Variants in NEO1 observed in about 807,000 individuals in gnomAD.
NEO1 encodes the protein neogenin.
A neutral mutation model predicts 159.7 loss-of-function variants in NEO1; 63 were observed. That is an observed-to-expected ratio of 0.39 (90% CI 0.32 to 0.49). The LOEUF (loss-of-function observed/expected upper bound fraction) is 0.49, where lower values mean the gene tolerates loss of function less well. Ranked by LOEUF, NEO1 falls within the 20% of genes least tolerant of loss-of-function variation. The pLI, the probability that NEO1 is intolerant of heterozygous loss-of-function variation, is 0.85. For synonymous variants in NEO1, 633 were observed against 662.0 expected (o/e 0.96, Z 0.67); for missense variants, 1,615 against 1,831.0 (o/e 0.88, Z 2.15).
intron 7 of NEO1, among the ~76,000 whole-genome samples, chr15:73,195,400 C>T (rs1476309280): frequency 6.6e-6 from 1 of 152,216 alleles, no homozygotes; most frequent in East Asian, 1.9e-4. Flanking sequence ...CATATAGTTT[C>T]CATGCTGCGT....
In NEO1 at chr15:73,062,993, C is replaced by T. The variant is rs141436336; in HGVS notation, c.130+10188C>T. Among the ~76,000 whole-genome samples the T allele has an allele frequency of 9.1e-4, 138 of 152,300 alleles. 1 individual carries two copies. The highest frequency in any genetic ancestry group is 3.2e-3 in the African/African-American group (134 of 41,562). ...AGCCTGGGGCAAAGACTTAGGCATACATCTATATAGATGGGTTTCCAAAGG... is the reference window on the plus strand; with the variant it reads ...AGCCTGGGGCAAAGACTTAGGCATATATCTATATAGATGGGTTTCCAAAGG... On this transcript the variant is annotated intron_variant, in intron 1 of 28. Transcript: ENST00000261908.
chr15:73,265,967 C>A (rs1410171580), intron 15 of NEO1, among the ~76,000 whole-genome samples: 11 of 152,206 alleles, frequency 7.2e-5, no homozygotes, highest in Admixed American at 7.2e-4. Context: ...TTGTTTAATT[C>A]CAAGCTCCAT....
At chr15:73,060,447 A>C (rs562889126) in intron 1 of NEO1, among the ~76,000 whole-genome samples, 116 of 150,768 alleles carry the variant, frequency 7.7e-4, no homozygotes, top group Non-Finnish European at 1.6e-3. Flanking sequence ...TTGTACTTTT[A>C]GTAGAAACAG....
chr15:73,119,178 G>A (rs918143879), intron 2 of NEO1, among the ~76,000 whole-genome samples: 2 of 152,100 alleles, frequency 1.3e-5, no homozygotes, highest in African/African-American at 4.8e-5. Context: ...AAAAGGTTCT[G>A]AAATTAGATT....
At chr15:73,259,539 A>C (rs1214150161) in intron 14 of NEO1, among the ~76,000 whole-genome samples, 2 of 151,632 alleles carry the variant, frequency 1.3e-5, no homozygotes, top group East Asian at 3.9e-4. Context: ...TTTTTTTTAG[A>C]GACAGGGTCT....
At position 73,213,440 on chromosome 15, in the gene NEO1, A is replaced by G. The variant is rs1450435949; in HGVS notation, c.1292-22907A>G. Among the ~76,000 whole-genome samples the G allele has an allele frequency of 6.2e-4, 95 of 152,230 alleles. 1 individual carries two copies. Among genetic ancestry groups the G allele is most frequent in the Non-Finnish European group, 1.6e-4 (11 of 68,020 alleles). Reference sequence around the variant, plus strand: ...CGCCTCCCTCCCACCATTCTCCCCAAGTCCCCAAAGTCCATATCATTCTTA... The same window carrying G: ...CGCCTCCCTCCCACCATTCTCCCCAGGTCCCCAAAGTCCATATCATTCTTA... On this transcript the variant is annotated intron_variant, in intron 7 of 28. Transcript: ENST00000261908.
At chr15:73,236,531 A>T in intron 8 of NEO1, 25 bp downstream of exon 8, 1 of 1,609,596 alleles carries the variant, frequency 6.2e-7, no homozygotes, top group Non-Finnish European at 8.5e-7. Flanking sequence ...GTCTGCAGCC[A>T]GTTGGCTGCC....
intron 1 of NEO1, among the ~76,000 whole-genome samples, chr15:73,098,082 AAC>A (rs34778128): frequency 0.53 from 79,082 of 149,672 alleles, 21,016 homozygotes; most frequent in Middle Eastern, 0.59. Context: ...TTTATCCCAC[AAC>A]ACACACACAC....
At chr15:73,294,346 C>A (rs1168613143) in intron 26 of NEO1, among the ~76,000 whole-genome samples, 1 of 152,086 alleles carries the variant, frequency 6.6e-6, no homozygotes, top group East Asian at 1.9e-4. Context: ...CCCATATATT[C>A]AACATATTAT....
At chr15:73,052,192 G>C (rs1388165898), upstream of NEO1, among the ~76,000 whole-genome samples, 1 of 149,022 alleles carries the variant, frequency 6.7e-6, no homozygotes, top group Non-Finnish European at 1.5e-5. Flanking sequence ...GCCCGCCACG[G>C]CCCGAGAGGC....
chr15:73,123,618 C>G (rs1351469689), intron 3 of NEO1, among the ~76,000 whole-genome samples: 1 of 151,990 alleles, frequency 6.6e-6, no homozygotes, highest in Non-Finnish European at 1.5e-5. Flanking sequence ...TTCTGGTGTT[C>G]CTCATAATCA....
chr15:73,061,093 C>G (rs2067954906), intron 1 of NEO1, among the ~76,000 whole-genome samples: 1 of 152,168 alleles, frequency 6.6e-6, no homozygotes, highest in African/African-American at 2.4e-5. Context: ...TTGTTCAGAG[C>G]CTATCTTTAA....
In NEO1 at chr15:73,249,667, A is replaced by G; in HGVS notation, c.1840A>G (p.Lys614Glu). The part of the protein sequence containing the change: ...EYSFRVVAYN[K>E]HGPGVSTPDV... ...TAGTTTCCGAGTGGTGGCCTACAAT[A>G]AACATGGTCCTGGAGTTTCCACACC... is the stretch of plus-strand genomic sequence containing the variant. Residue 614 changes from lysine to glutamate, a missense_variant, in exon 11 of 29, where the codon AAA becomes GAA. Physicochemically the swap from Lys to Glu is moderately conservative, Grantham distance 56. Coordinates refer to ENST00000261908, the MANE Select transcript of NEO1 (RefSeq NM_002499.4). 1 of 1,613,992 alleles carries G rather than the reference A, an allele frequency of 6.2e-7. No homozygotes were observed. Among genetic ancestry groups the G allele is most frequent in the South Asian group, 1.1e-5 (1 of 91,062 alleles).
intron 15 of NEO1, among the ~76,000 whole-genome samples, chr15:73,263,410 G>T (rs993403035): frequency 2.0e-5 from 3 of 151,980 alleles, no homozygotes; most frequent in African/African-American, 7.3e-5. Context: ...CCCCAGGCTG[G>T]TCTCAAACTC....
In NEO1 at chr15:73,228,288, T is replaced by C. The variant is rs564783046; in HGVS notation, c.1292-8059T>C. ...GTTGCTTTCCCTTCTGCCACCAGAG[T>C]AGTTATCTCATTGCGCTCTTAATTT... On this transcript the variant is annotated intron_variant, in intron 7 of 28. Coordinates refer to ENST00000261908, the MANE Select transcript of NEO1 (RefSeq NM_002499.4). Among the ~76,000 whole-genome samples the C allele has an allele frequency of 1.8e-3, 267 of 152,220 alleles. 1 individual carries two copies. The highest frequency in any genetic ancestry group is 6.0e-3 in the African/African-American group (250 of 41,520).
intron 20 of NEO1, among the ~76,000 whole-genome samples, 158 bp from the exon 21 acceptor site, chr15:73,274,534 T>C (rs1212706251): frequency 6.6e-6 from 1 of 152,204 alleles, no homozygotes; most frequent in Non-Finnish European, 1.5e-5. Flanking sequence ...GGAAGCCCTG[T>C]ATGAATTTAA....
At chr15:73,123,156 CAAA>C (rs746634085) in intron 3 of NEO1, among the ~76,000 whole-genome samples, 3 of 96,098 alleles carry the variant, frequency 3.1e-5, no homozygotes, top group Non-Finnish European at 2.2e-5. Flanking sequence ...GACTCCATCT[CAAA>C]AAAAAAAAAA....
intron 26 of NEO1, among the ~76,000 whole-genome samples, chr15:73,295,903 T>C (rs1226379312): frequency 6.6e-6 from 1 of 152,208 alleles, no homozygotes; most frequent in Non-Finnish European, 1.5e-5. Context: ...CTTAACTCTT[T>C]AAGAGGCAAG....
At chr15:73,080,621 A>G (rs1379400274) in intron 1 of NEO1, among the ~76,000 whole-genome samples, 33 of 151,720 alleles carry the variant, frequency 2.2e-4, no homozygotes. Context: ...TTGGGTGTTG[A>G]TTTCTAATTG....
Sources: allele counts gnomAD v4.1 joint callset (sites outside exome capture counted in the v4.1 genomes callset), GRCh38; gene constraint gnomAD v4.1.1; transcripts MANE v1.5; gene names NCBI Gene and HGNC (gene_info 2026-07-23, HGNC 2026-07-21).